The following VGF variants were observed in gnomAD, a reference collection of about 807,000 sequenced individuals.
VGF encodes the protein VGF nerve growth factor inducible.
In VGF, 13 loss-of-function variants were observed where a neutral mutation model predicts 41.1. That is an observed-to-expected ratio of 0.32 (90% CI 0.21 to 0.50). VGF has a LOEUF of 0.50. VGF is among the 20% of genes least tolerant of loss of function. The pLI, the probability that VGF is intolerant of heterozygous loss-of-function variation, is 0.98. For synonymous variants in VGF, 473 were observed against 418.3 expected (o/e 1.13, Z -1.60); for missense variants, 920 against 882.1 (o/e 1.04, Z -0.54).
Position 101,163,416 on chromosome 7 carries a change from C to T in VGF, c.1428G>A (p.Val476=), listed in dbSNP as rs1228364826. Residue 476 remains valine (V), a synonymous_variant, in exon 2 of 2, where the codon GTG becomes GTA. Coordinates refer to ENST00000249330, the MANE Select transcript of VGF (RefSeq NM_003378.4). The surrounding 1 kb of genome is among the most constrained non-coding windows in gnomAD (Gnocchi z 5.0). ...ADDVVSIIEE[V]EEKRKRKKNA... ...TCTTCTTCCGCTTCCGCTTCTCCTC[C>T]ACCTCCTCGATGATGCTGACCACGT... The T allele has an allele frequency of 1.2e-6, 2 of 1,609,068 alleles. No homozygotes were observed. Among genetic ancestry groups the T allele is most frequent in the Admixed American group, 1.7e-5 (1 of 59,998 alleles).
Position 101,163,373 on chromosome 7 carries a change from C to T in VGF, c.1471G>A (p.Val491Met), listed in dbSNP as rs777985669. Reference sequence around the variant, plus strand: ...GCGGGGGCGGCACGGGGGGGCGGCACGGGCTCGGGAGGGGCGTTCTTCTTC... The same window carrying T: ...GCGGGGGCGGCACGGGGGGGCGGCATGGGCTCGGGAGGGGCGTTCTTCTTC... ...KRKKNAPPEP[V>M]PPPRAAPAPT... Residue 491 changes from valine (V) to methionine (M), a missense_variant, in exon 2 of 2, where the codon GTG becomes ATG. Coordinates refer to ENST00000249330, the MANE Select transcript of VGF (RefSeq NM_003378.4). This position sits in a 1 kb window ranked among gnomAD's most constrained non-coding sequence, Gnocchi z 5.0. 4 of 1,562,464 alleles carry T rather than the reference C, an allele frequency of 2.6e-6. No homozygotes were observed. The highest frequency in any genetic ancestry group is 3.4e-6 in the Non-Finnish European group (4 of 1,160,294).
upstream of VGF, among the ~76,000 whole-genome samples, chr7:101,168,222 C>T (rs1447846322): frequency 6.6e-6 from 1 of 152,080 alleles, no homozygotes; most frequent in Non-Finnish European, 1.5e-5. Flanking sequence ...GAGAGTTTCT[C>T]AGAAATCAGC....
Position 101,163,311 on chromosome 7 carries a change from G to A in VGF, c.1533C>T (p.Pro511=), listed in dbSNP as rs774302706. ...GCTCGTCTCGTGCGGGAGCGGGGGC[G>A]GGGGGCGGGGGCTGCGGGGAGCGGA... ...THVRSPQPPP[P]APAPARDELP... The change falls in exon 2 of 2, where the codon CCC becomes CCT. Residue 511 remains proline (P), a synonymous_variant. Transcript: ENST00000249330. This position sits in a 1 kb window ranked among gnomAD's most constrained non-coding sequence, Gnocchi z 5.0. The A allele has an allele frequency of 9.0e-6, 13 of 1,441,032 alleles. No individual in the cohort carries two copies. The highest frequency in any genetic ancestry group is 8.0e-5 in the Admixed American group (3 of 37,484). The allele number at this position is 1,441,032 out of a possible 1,614,324, so 89.3% of individuals were successfully genotyped here.
rs1310002625 is a variant in VGF, at chr7:101,164,082, G to A, written c.762C>T (p.Pro254=). The change falls in exon 2 of 2, where the codon CCC becomes CCT. Residue 254 remains proline (P), a synonymous_variant. Coordinates refer to ENST00000249330, the MANE Select transcript of VGF (RefSeq NM_003378.4). ...THKFGEGVSS[P]KTHLGEALAP... ...CCAATGCCTCGCCTAGGTGTGTTTTGGGGGAGGACACTCCTTCCCCGAACT... is the reference window on the plus strand; with the variant it reads ...CCAATGCCTCGCCTAGGTGTGTTTTAGGGGAGGACACTCCTTCCCCGAACT... The A allele has an allele frequency of 6.7e-7, 1 of 1,500,024 alleles. No homozygotes were observed. The highest frequency in any genetic ancestry group is 8.8e-7 in the Non-Finnish European group (1 of 1,132,162). The allele number at this position is 1,500,024 out of a possible 1,614,324, so 92.9% of individuals were successfully genotyped here.
At chr7:101,167,171 T>C (rs1291279848), upstream of VGF, among the ~76,000 whole-genome samples, 1 of 151,956 alleles carries the variant, frequency 6.6e-6, no homozygotes, top group East Asian at 1.9e-4. This position sits in a 1 kb window ranked among gnomAD's most constrained non-coding sequence, Gnocchi z 4.2. Flanking sequence ...TAACCAGCAG[T>C]GGCTTCTCGC....
At chr7:101,164,898 C>T in intron 1 of VGF, 35 bp from the exon 2 acceptor site, 1 of 1,497,204 alleles carries the variant, frequency 6.7e-7, no homozygotes, top group Non-Finnish European at 8.9e-7. Flanking sequence ...AAGAGGATTT[C>T]TGTAAGAATT....
Position 101,162,903 on chromosome 7 carries a change from C to T in VGF, c.*93G>A. On this transcript the variant is annotated 3_prime_UTR_variant, in exon 2 of 2. Transcript: ENST00000249330. The surrounding 1 kb of genome is among the most constrained non-coding windows in gnomAD (Gnocchi z 4.2). The stretch of plus-strand genomic sequence containing the variant: ...AGGGCCAAGGGGCAGGGCCGGGGCG[C>T]ATGCAAACACCGAGGGGGAGCGGGC... 1 of 691,346 alleles carries T rather than the reference C, an allele frequency of 1.4e-6. No homozygotes were observed. Among genetic ancestry groups the T allele is most frequent in the Non-Finnish European group, 2.3e-6 (1 of 443,084 alleles). 42.8% of individuals were successfully genotyped at this position (691,346 alleles called of 1,614,324 possible).
Position 101,163,606 on chromosome 7 carries a change from G to A in VGF, c.1238C>T (p.Ala413Val). 6.4e-7 allele frequency: 1 copy of A among 1,554,564 alleles called. No individual in the cohort carries two copies. The highest frequency in any genetic ancestry group is 1.9e-5 in the Admixed American group (1 of 51,726). ...CTGGGAGCGCTTGTCCTCGGCGCCG[G>A]CTTCCCCGTCCTCCTCCTCCGCGAA... ...LLFAEEEDGE[A>V]GAEDKRSQEE... Residue 413 changes from alanine (A) to valine (V), a missense_variant, in exon 2 of 2, where the codon GCC (alanine) becomes GTC (valine). Physicochemically the swap from Ala to Val is moderately conservative, Grantham distance 64. Transcript: ENST00000249330. This position sits in a 1 kb window ranked among gnomAD's most constrained non-coding sequence, Gnocchi z 5.0.
At position 101,163,896 on chromosome 7, in the gene VGF, C is replaced by G; in HGVS notation, c.948G>C (p.Gln316His). 1.3e-6 allele frequency: 2 copies of G among 1,481,846 alleles called. No homozygotes were observed. Among genetic ancestry groups the G allele is most frequent in the Non-Finnish European group, 1.8e-6 (2 of 1,126,244 alleles). The allele number at this position is 1,481,846 out of a possible 1,614,324, so 91.8% of individuals were successfully genotyped here. Residue 316 changes from glutamine to histidine, a missense_variant, in exon 2 of 2, where the codon CAG becomes CAC. Physicochemically the swap from Gln to His is conservative, Grantham distance 24 (BLOSUM62 0). Around this residue, in one of 3 missense-constraint regions of VGF, gnomAD observed 654 missense variants for 638.4 expected, o/e 1.02. Transcript: ENST00000249330. This position sits in a 1 kb window ranked among gnomAD's most constrained non-coding sequence, Gnocchi z 5.0. ...CCAGCCGCTCTTCCTGCGCCGCGGC[C>G]TGCCGCGTGGCCTCCGCCTGCCGCC... Reference protein sequence around the residue: ...AGRRQAEATRQAAAQEERLAD... With the variant: ...AGRRQAEATRHAAAQEERLAD...
rs1219768942 is a variant in VGF at position 101,164,112 on chromosome 7, G to A, written c.732C>T (p.Thr244=). The change falls in exon 2 of 2, where the codon ACC becomes ACT. Residue 244 remains threonine, a synonymous_variant. Transcript: ENST00000249330. ...RMPDSGPLPE[T]HKFGEGVSSP... is the part of the protein sequence containing the mutation. ...AGGACACTCCTTCCCCGAACTTGTG[G>A]GTTTCGGGAAGGGGCCCGCTGTCGG... is the stretch of plus-strand genomic sequence containing the variant. 6.7e-7 allele frequency: 1 copy of A among 1,501,410 alleles called. No individual in the cohort carries two copies. Among genetic ancestry groups the A allele is most frequent in the Middle Eastern group, 1.8e-4 (1 of 5,580 alleles). The allele number at this position is 1,501,410 out of a possible 1,614,324, so 93.0% of individuals were successfully genotyped here. A position where few individuals can be genotyped will look rare whatever the true frequency, so the allele number is the denominator to read the frequency against.
Position 101,164,265 on chromosome 7 carries a change from G to C in VGF, c.579C>G (p.Thr193=). 6.2e-7 allele frequency: 1 copy of C among 1,602,738 alleles called. No individual in the cohort carries two copies. Among genetic ancestry groups the C allele is most frequent in the Non-Finnish European group, 8.5e-7 (1 of 1,178,632 alleles). Reference sequence around the variant, plus strand: ...GCCCCGGGCTCTCCAGATTCACTCGGGTCAGCGTGTGCGTGCGGGTTTCCG... The same window carrying C: ...GCCCCGGGCTCTCCAGATTCACTCGCGTCAGCGTGTGCGTGCGGGTTTCCG... ...AETETRTHTL[T]RVNLESPGPE... The change falls in exon 2 of 2, where the codon ACC becomes ACG. Residue 193 remains threonine, a synonymous_variant. Transcript: ENST00000249330.
In VGF at chr7:101,164,559, T is replaced by C; in HGVS notation, c.285A>G (p.Ser95=). 6.3e-7 allele frequency: 1 copy of C among 1,599,020 alleles called. No homozygotes were observed. ...VLLQALDRPA[S]PPAPSGSQQG... ...GCTGGGAGCCGCTTGGTGCCGGGGG[T>C]GAGGCGGGACGGTCGAGTGCCTGCA... Residue 95 remains serine (S), a synonymous_variant, in exon 2 of 2, where the codon TCA becomes TCG. Coordinates refer to ENST00000249330, the MANE Select transcript of VGF (RefSeq NM_003378.4).
In VGF at chr7:101,163,703, C is replaced by T; in HGVS notation, c.1141G>A (p.Glu381Lys). Reference sequence around the variant, plus strand: ...TCCGCCTCGGCCGCCTCCTCATCCTCTTCCCCCACCCTCTCCTCCCCGCCG... The same window carrying T: ...TCCGCCTCGGCCGCCTCCTCATCCTTTTCCCCCACCCTCTCCTCCCCGCCG... ...RRGGEERVGE[E>K]DEEAAEAEAE... The change falls in exon 2 of 2, where the codon GAG becomes AAG. Residue 381 changes from glutamate (E) to lysine (K), a missense_variant. Physicochemically the swap from Glu to Lys is moderately conservative, Grantham distance 56. This residue lies in a region of VGF where 654 missense variants were observed against 638.4 expected (regional missense o/e 1.02). Coordinates refer to ENST00000249330, the MANE Select transcript of VGF (RefSeq NM_003378.4). The surrounding 1 kb of genome is among the most constrained non-coding windows in gnomAD (Gnocchi z 5.0). 8 of 1,536,590 alleles carry T rather than the reference C, an allele frequency of 5.2e-6. No individual in the cohort carries two copies. Among genetic ancestry groups the T allele is most frequent in the South Asian group, 1.2e-5 (1 of 84,054 alleles).
At chr7:101,167,538 C>T (rs1324115321), upstream of VGF, among the ~76,000 whole-genome samples, 1 of 151,986 alleles carries the variant, frequency 6.6e-6, no homozygotes, top group African/African-American at 2.4e-5. The surrounding 1 kb of genome is among the most constrained non-coding windows in gnomAD (Gnocchi z 4.2). Context: ...GAGGGGGTCA[C>T]GTTACCTTCC....
chr7:101,168,447 T>C (rs1398018116), upstream of VGF, among the ~76,000 whole-genome samples: 5 of 152,096 alleles, frequency 3.3e-5, no homozygotes, highest in Non-Finnish European at 7.4e-5. Context: ...GTGCCCTTCA[T>C]ACCCTGCTGC....
chr7:101,164,930 C>T, intron 1 of VGF, 67 bp from the exon 2 acceptor site: 7 of 1,436,550 alleles, frequency 4.9e-6, no homozygotes, highest in Non-Finnish European at 6.4e-6. Flanking sequence ...GTCTACGTTC[C>T]CTTCCCCCAC....
chr7:101,168,006 G>GT (rs1797245908), upstream of VGF, among the ~76,000 whole-genome samples: 2 of 128,574 alleles, frequency 1.6e-5, no homozygotes, highest in Non-Finnish European at 3.2e-5. Flanking sequence ...TGTGTGCTGG[G>GT]TTGTTTTTTT....
In VGF at chr7:101,165,457, C is replaced by T; in HGVS notation, c.-104G>A. 1.0e-6 allele frequency: 1 copy of T among 985,464 alleles called. No individual in the cohort carries two copies. The highest frequency in any genetic ancestry group is 1.2e-6 in the Non-Finnish European group (1 of 829,968). 61.0% of individuals were successfully genotyped at this position (985,464 alleles called of 1,614,324 possible). On this transcript the variant is annotated 5_prime_UTR_variant, in exon 1 of 2. Transcript: ENST00000249330. ...GAAGATCGGGACGCGTCCGCCTCGG[C>T]TCCGAGCGGTGGCCGGGGTAGGAGC...
At chr7:101,165,741 G>A (rs540244619), upstream of VGF, 1 of 813,200 alleles carries the variant, frequency 1.2e-6, no homozygotes, top group Non-Finnish European at 1.5e-6. Context: ...GCGCCTGCGC[G>A]CTGGGGCCTT....
Sources: gnomAD v4.1 joint callset for allele counts (sites outside exome capture counted in the v4.1 genomes callset) on GRCh38, gnomAD v4.1.1 for gene constraint, gnomAD v4.1.1 regional missense constraint, Gnocchi (gnomAD v3.1) non-coding constraint, MANE v1.5 for transcripts, NCBI Gene and HGNC (gene_info 2026-07-23, HGNC 2026-07-21) for gene names.